H3-3A: variants seen among roughly 807,000 people sequenced by gnomAD.
H3-3A encodes the protein histone H3.3.
For missense variants in H3-3A, 7 were observed against 184.0 expected (o/e 0.04, Z 5.57); for synonymous variants, 49 against 61.4 (o/e 0.80, Z 0.95).
At chr1:226,065,340 ACTT>A (rs3835730) in intron 2 of H3-3A, among the ~76,000 whole-genome samples, 4 of 152,028 alleles carry the variant, frequency 2.6e-5, no homozygotes, top group African/African-American at 9.7e-5. Context: ...AGGGGAGCCA[ACTT>A]CTTCATTAGC....
chr1:226,065,581 T>A, intron 2 of H3-3A, 75 bp from the exon 3 acceptor site: 1 of 1,100,944 alleles, frequency 9.1e-7, no homozygotes, highest in East Asian at 2.4e-5. Flanking sequence ...ATTACTGCAT[T>A]TCTTTGAAGC....
At chr1:226,071,072 A>T (rs1307196629) in intron 3 of H3-3A, among the ~76,000 whole-genome samples, 1 of 152,218 alleles carries the variant, frequency 6.6e-6, no homozygotes, top group Non-Finnish European at 1.5e-5. Flanking sequence ...ATTAGAAATC[A>T]TGTTACCATT....
chr1:226,067,427 A>G (rs1193833721), intron 3 of H3-3A, among the ~76,000 whole-genome samples: 1 of 152,106 alleles, frequency 6.6e-6, no homozygotes, highest in South Asian at 2.1e-4. Context: ...TTATGCATAT[A>G]TTTTAGTTAT....
At chr1:226,062,164 G>T (rs1025545998), upstream of H3-3A, 1 of 151,796 alleles carries the variant, frequency 6.6e-6, no homozygotes, top group African/African-American at 2.4e-5. Flanking sequence ...TTTCCAATGG[G>T]GCGCGGCGAC....
intron 3 of H3-3A, 64 bp from the exon 4 acceptor site, chr1:226,071,287 T>C: frequency 7.5e-7 from 1 of 1,335,216 alleles, no homozygotes; most frequent in Non-Finnish European, 1.1e-6. Flanking sequence ...TTTTAATTCG[T>C]ATAGTTGGGT....
At chr1:226,068,514 T>C (rs775499119) in intron 3 of H3-3A, among the ~76,000 whole-genome samples, 5 of 152,212 alleles carry the variant, frequency 3.3e-5, no homozygotes, top group Non-Finnish European at 7.3e-5. Context: ...ATATAATAGC[T>C]GATATGCGTT....
At chr1:226,066,301 C>T in intron 3 of H3-3A, 1 of 158,242 alleles carries the variant, frequency 6.3e-6, no homozygotes, top group Non-Finnish European at 1.4e-5. Flanking sequence ...GTAAAAGGAG[C>T]AGTGAGTGGA....
chr1:226,064,818 C>A (rs1483978571), intron 2 of H3-3A, among the ~76,000 whole-genome samples: 1 of 152,110 alleles, frequency 6.6e-6, no homozygotes, highest in Non-Finnish European at 1.5e-5. Flanking sequence ...CTTGAATACA[C>A]TTTTGAGGTT....
At chr1:226,063,350 A>G (rs1017256311) in intron 1 of H3-3A, among the ~76,000 whole-genome samples, 13 of 152,328 alleles carry the variant, frequency 8.5e-5, no homozygotes, top group African/African-American at 2.9e-4. Flanking sequence ...CAAAAAAGCA[A>G]GAATTTTTAA....
chr1:226,063,057 C>T (rs1380001740), intron 1 of H3-3A, among the ~76,000 whole-genome samples: 2 of 152,090 alleles, frequency 1.3e-5, no homozygotes, highest in East Asian at 1.9e-4. Flanking sequence ...TCTCCCTCCT[C>T]CTCCCCGCGC....
At chr1:226,064,726 A>G (rs779192592) in intron 2 of H3-3A, among the ~76,000 whole-genome samples, 1 of 152,226 alleles carries the variant, frequency 6.6e-6, no homozygotes, top group Non-Finnish European at 1.5e-5. Context: ...GAGACCTCGT[A>G]TATCACTGAT....
chr1:226,067,399 T>C (rs1244928241), intron 3 of H3-3A: 1 of 152,206 alleles, frequency 6.6e-6, no homozygotes, highest in Non-Finnish European at 1.5e-5. Context: ...TAAGCTTTTG[T>C]GTTTTCTGTT....
intron 3 of H3-3A, among the ~76,000 whole-genome samples, chr1:226,067,681 G>T (rs1028100866): frequency 6.6e-6 from 1 of 151,756 alleles, no homozygotes; most frequent in Non-Finnish European, 1.5e-5. Context: ...AGCAGAGGTT[G>T]CAGTGAGCCG....
rs1658135205 is a variant in H3-3A at position 226,071,704 on chromosome 1, G to A, written c.*225G>A. On this transcript the variant is annotated 3_prime_UTR_variant, in exon 4 of 4. Coordinates refer to ENST00000366815, the MANE Select transcript of H3-3A (RefSeq NM_002107.7). ...TTTAATATAAATGCGGAGACGTAAA[G>A]CATTAATGCAAGTTAAAATGTTTCA... 3 of 274,564 alleles carry A rather than the reference G, an allele frequency of 1.1e-5. No homozygotes were observed. In the Admixed American group the frequency reaches 1.9e-4, roughly 17 times the overall value. 17.0% of individuals were successfully genotyped at this position (274,564 alleles called of 1,614,324 possible).
chr1:226,063,335 C>T (rs1181299360), intron 1 of H3-3A, among the ~76,000 whole-genome samples: 1 of 152,160 alleles, frequency 6.6e-6, no homozygotes, highest in Non-Finnish European at 1.5e-5. Flanking sequence ...CTCTCTTCCC[C>T]ATTTCAAAAA....
chr1:226,068,759 A>G lies in H3-3A; in HGVS notation c.283-2592A>G, dbSNP rs557168557. ...GTATTAAATGAGATTTCTGTTATCA[A>G]GTAACTTAAGGGCACCAAAAAATGG... On this transcript the variant is annotated intron_variant, in intron 3 of 3. Transcript: ENST00000366815. Among the ~76,000 whole-genome samples, 14 of 152,354 alleles carry G rather than the reference A, an allele frequency of 9.2e-5. No homozygotes were observed. In the South Asian group the frequency reaches 1.4e-3, roughly 16 times the overall value.
chr1:226,064,702 C>T (rs769014190), intron 2 of H3-3A, among the ~76,000 whole-genome samples: 13 of 151,944 alleles, frequency 8.6e-5, no homozygotes, highest in Non-Finnish European at 1.6e-4. Flanking sequence ...CATAATCTTA[C>T]CTGGAGGTCT....
chr1:226,066,180 A>G, intron 3 of H3-3A: 1 of 324,174 alleles, frequency 3.1e-6, no homozygotes, highest in Non-Finnish European at 5.7e-6. Context: ...TTCAAACAAC[A>G]GTGCCTAGAA....
chr1:226,062,373 G>A (rs1657736869), upstream of H3-3A, among the ~76,000 whole-genome samples: 2 of 151,194 alleles, frequency 1.3e-5, no homozygotes, highest in Admixed American at 6.6e-5. Context: ...CGGGCTTCGG[G>A]GGTTCGACGC....
Sources: allele counts gnomAD v4.1 joint callset (sites outside exome capture counted in the v4.1 genomes callset), GRCh38; gene constraint gnomAD v4.1.1; transcripts MANE v1.5; gene names NCBI Gene and HGNC (gene_info 2026-07-23, HGNC 2026-07-21).